TFDP2: variants seen among roughly 807,000 people sequenced by gnomAD.
TFDP2 encodes the protein transcription factor Dp-2.
A neutral mutation model predicts 59.3 loss-of-function variants in TFDP2; 17 were observed. The observed-to-expected ratio is 0.29, with a 90% CI of 0.20 to 0.43. The LOEUF (loss-of-function observed/expected upper bound fraction) is 0.43, where lower values mean the gene tolerates loss of function less well. TFDP2 is among the 20% of genes least tolerant of loss of function. The pLI is 1.00. For missense variants in TFDP2, 391 were observed against 528.8 expected, an observed-to-expected ratio of 0.74 and a Z score of 2.56; for synonymous variants, 180 against 194.7, an observed-to-expected ratio of 0.92 and a Z score of 0.63.
At chr3:142,060,231 C>G (rs930817125) in intron 3 of TFDP2, among the ~76,000 whole-genome samples, 3 of 152,170 alleles carry the variant, frequency 2.0e-5, no homozygotes, top group Admixed American at 1.3e-4. Flanking sequence ...CTTTCCTGAA[C>G]TCCTTGCCTC....
At chr3:142,125,800 A>G (rs1243419143) in intron 1 of TFDP2, among the ~76,000 whole-genome samples, 1 of 152,176 alleles carries the variant, frequency 6.6e-6, no homozygotes, top group Non-Finnish European at 1.5e-5. Flanking sequence ...TTTCTTTTTT[A>G]TTAATTCTTA....
At chr3:142,135,399 C>A (rs1042432084) in intron 1 of TFDP2, among the ~76,000 whole-genome samples, 9 of 151,958 alleles carry the variant, frequency 5.9e-5, no homozygotes, top group Admixed American at 2.0e-4. Flanking sequence ...TGTTTAATTT[C>A]TTTTTTCTTT....
chr3:142,094,925 C>T (rs529278861), intron 2 of TFDP2, among the ~76,000 whole-genome samples: 1 of 152,296 alleles, frequency 6.6e-6, no homozygotes, highest in East Asian at 1.9e-4. Context: ...GATTTTAAAG[C>T]ACACAAAGCT....
intron 1 of TFDP2, among the ~76,000 whole-genome samples, chr3:142,128,714 G>T (rs533755101): frequency 1.5e-3 from 221 of 152,084 alleles, no homozygotes; most frequent in African/African-American, 5.2e-3. Flanking sequence ...AGGGGAAGTA[G>T]AACAGAAGCA....
chr3:141,958,635 T>C (rs1011085776), intron 11 of TFDP2, among the ~76,000 whole-genome samples: 7 of 152,192 alleles, frequency 4.6e-5, no homozygotes, highest in African/African-American at 1.2e-4. Flanking sequence ...GGGGGTCTAC[T>C]GTACTGTGAC....
chr3:142,031,595 T>G (rs1291941933), intron 3 of TFDP2, among the ~76,000 whole-genome samples: 1 of 152,188 alleles, frequency 6.6e-6, no homozygotes, highest in African/African-American at 2.4e-5. Flanking sequence ...ATGCAGATTA[T>G]ATAGGTTGTG....
intron 8 of TFDP2, among the ~76,000 whole-genome samples, chr3:141,971,625 CAA>C (rs1452419214): frequency 1.3e-5 from 2 of 151,816 alleles, no homozygotes; most frequent in Non-Finnish European, 2.9e-5. Context: ...ACAGACCAAA[CAA>C]AAATGGAGTC....
At chr3:142,062,817 G>A (rs1156355913) in intron 3 of TFDP2, among the ~76,000 whole-genome samples, 1 of 152,110 alleles carries the variant, frequency 6.6e-6, no homozygotes, top group African/African-American at 2.4e-5. Context: ...AATGAGAAAG[G>A]ATGAACTATG....
At chr3:142,094,208 T>A (rs7652258) in intron 2 of TFDP2, among the ~76,000 whole-genome samples, 1,867 of 152,224 alleles carry the variant, frequency 0.012, 41 homozygotes, top group African/African-American at 0.043. Context: ...ATACTTTTTG[T>A]AAGCATTGAA....
At chr3:142,106,116 TA>T (rs766367361) in intron 1 of TFDP2, among the ~76,000 whole-genome samples, 62 of 145,556 alleles carry the variant, frequency 4.3e-4, no homozygotes, top group East Asian at 1.6e-3. Context: ...TAATTGTGGT[TA>T]AAAAAAAAAA....
chr3:142,044,102 C>G (rs952443889), intron 3 of TFDP2: 4 of 634,818 alleles, frequency 6.3e-6, no homozygotes, highest in Non-Finnish European at 8.8e-6. Flanking sequence ...TTGGCATTGG[C>G]AATTTCACTG....
At chr3:141,968,133 G>A (rs1559935684) in intron 9 of TFDP2, among the ~76,000 whole-genome samples, 1 of 150,408 alleles carries the variant, frequency 6.6e-6, no homozygotes, top group Non-Finnish European at 1.5e-5. Context: ...GGAGTTCAAG[G>A]AGGAGTGTTT....
At chr3:141,973,123 A>ATATATATATATATAT in intron 8 of TFDP2, among the ~76,000 whole-genome samples, 1 of 58,030 alleles carries the variant, frequency 1.7e-5, no homozygotes, top group African/African-American at 6.5e-5. Context: ...ATATATATAT[A>ATATATATATATATAT]TTTTTTTTTT....
In TFDP2 at chr3:141,944,875, A is replaced by C. The variant is rs1161494223; in HGVS notation, c.*7638T>G. The C allele has an allele frequency of 6.6e-6, 1 of 152,238 alleles. No individual in the cohort carries two copies. Among genetic ancestry groups the C allele is most frequent in the Non-Finnish European group, 1.5e-5 (1 of 68,048 alleles). 9.4% of individuals were successfully genotyped at this position (152,238 alleles called of 1,614,324 possible). ...ACAAAGTCTGAGATACTACAAAATA[A>C]TATATCATATTAGGTTGTGTACTTC... On this transcript the variant is annotated 3_prime_UTR_variant, in exon 13 of 13. Coordinates refer to ENST00000489671, the MANE Select transcript of TFDP2 (RefSeq NM_001178139.2).
intron 3 of TFDP2, among the ~76,000 whole-genome samples, chr3:142,012,622 A>G (rs916672684): frequency 3.9e-5 from 6 of 152,196 alleles, no homozygotes; most frequent in Non-Finnish European, 5.9e-5. Context: ...ATTGCCATGG[A>G]AAAATGTCCT....
In TFDP2 at chr3:142,028,726, A is replaced by G. The variant is rs912806607; in HGVS notation, c.83-23182T>C. The G allele has an allele frequency of 2.7e-5, 27 of 985,276 alleles. No homozygotes were observed. The African/African-American group carries it at 4.7e-4, about 17-fold the overall frequency. 61.0% of individuals were successfully genotyped at this position (985,276 alleles called of 1,614,324 possible). ...AAAATACTTCTCAGTAAAACTAAAA[A>G]GATGCTCAAGAAAACTGTTTAGTTA... On this transcript the variant is annotated intron_variant, in intron 3 of 12. Transcript: ENST00000489671.
intron 3 of TFDP2, among the ~76,000 whole-genome samples, chr3:142,008,197 G>A (rs1944369201): frequency 6.6e-6 from 1 of 151,958 alleles, no homozygotes; most frequent in Non-Finnish European, 1.5e-5. Flanking sequence ...GCCATTAAAT[G>A]TTCTCCAGAC....
intron 3 of TFDP2, among the ~76,000 whole-genome samples, chr3:142,022,701 C>T (rs547822446): frequency 5.3e-4 from 80 of 152,212 alleles, no homozygotes; most frequent in Non-Finnish European, 8.4e-4. Flanking sequence ...CATGAAGAAG[C>T]TCACAGTCCG....
chr3:142,127,303 CTTTTTTTTTT>C (rs769181436), intron 1 of TFDP2, among the ~76,000 whole-genome samples: 1 of 108,324 alleles, frequency 9.2e-6, no homozygotes, highest in African/African-American at 3.4e-5. Flanking sequence ...CTACACTCCG[CTTTTTTTTTT>C]TTTTTTTTTT....
Sources: allele counts gnomAD v4.1 joint callset (sites outside exome capture counted in the v4.1 genomes callset), GRCh38; gene constraint gnomAD v4.1.1; transcripts MANE v1.5; gene names NCBI Gene and HGNC (gene_info 2026-07-23, HGNC 2026-07-21).